The following PPP1R10 variants were observed in gnomAD, a reference collection of about 807,000 sequenced individuals.
PPP1R10 encodes the protein serine/threonine-protein phosphatase 1 regulatory subunit 10.
In PPP1R10, 15 loss-of-function variants were observed where a neutral mutation model predicts 99.0. The observed-to-expected ratio is 0.15, with a 90% CI of 0.10 to 0.23. The LOEUF (loss-of-function observed/expected upper bound fraction) is 0.23, where lower values mean the gene tolerates loss of function less well. PPP1R10 is among the 10% of genes least tolerant of loss of function. PPP1R10 has a pLI of 1.00. For missense variants in PPP1R10, 947 were observed against 1,259.4 expected (o/e 0.75, Z 3.75); for synonymous variants, 430 against 449.5 (o/e 0.96, Z 0.55).
chr6:30,615,229 T>TAAAAAAAAAAAAAAAAAAAATAAAA, intron 2 of PPP1R10, among the ~76,000 whole-genome samples: 1 of 109,762 alleles, frequency 9.1e-6, no homozygotes. Context: ...ACCTTTTTAG[T>TAAAAAAAAAAAAAAAAAAAATAAAA]AAAAAAAAAA....
At position 30,600,433 on chromosome 6, in the gene PPP1R10, A is replaced by G. The variant is rs1489943800; in HGVS notation, c.*1116T>C. On this transcript the variant is annotated 3_prime_UTR_variant, in exon 20 of 20. Coordinates refer to ENST00000376511, the MANE Select transcript of PPP1R10 (RefSeq NM_002714.4). ...GCTGCTTCTCTTTCCACTGTTTATT[A>G]TTAATGTACAAAATATACAAAACCA... 1.3e-5 allele frequency: 2 copies of G among 152,506 alleles called. No homozygotes were observed. The highest frequency in any genetic ancestry group is 4.8e-5 in the African/African-American group (2 of 41,358). The allele number at this position is 152,506 out of a possible 1,614,324, so 9.4% of individuals were successfully genotyped here.
intron 2 of PPP1R10, among the ~76,000 whole-genome samples, chr6:30,610,742 CCT>C (rs1392571342): frequency 1.3e-5 from 2 of 152,128 alleles, no homozygotes; most frequent in Admixed American, 6.5e-5. Flanking sequence ...CGAATCTGGT[CCT>C]CTCCTCAAAA....
At chr6:30,613,759 CTTT>C in intron 2 of PPP1R10, among the ~76,000 whole-genome samples, 1 of 152,282 alleles carries the variant, frequency 6.6e-6, no homozygotes, top group South Asian at 2.1e-4. Context: ...GGAAGATCTT[CTTT>C]ATTAATCCCC....
rs1277455143 is a variant in PPP1R10 at position 30,616,461 on chromosome 6, GA to G, written c.-12+16del. ...ATTTCTTGTTGCAAGGCTGGTTTTT[GA>G]AAATTCGACACTTACTATCCAATTT... On this transcript the variant is annotated intron_variant, in intron 2 of 19. Coordinates refer to ENST00000376511, the MANE Select transcript of PPP1R10 (RefSeq NM_002714.4). The G allele has an allele frequency of 6.6e-6, 1 of 152,468 alleles. No homozygotes were observed. The highest frequency in any genetic ancestry group is 1.5e-5 in the Non-Finnish European group (1 of 68,006). 9.4% of individuals were successfully genotyped at this position (152,468 alleles called of 1,614,324 possible). A position where few individuals can be genotyped will look rare whatever the true frequency, so the allele number is the denominator to read the frequency against.
In PPP1R10 at chr6:30,609,220, A is replaced by C; in HGVS notation, c.108-57T>G. On this transcript the variant is annotated intron_variant, in intron 3 of 19. Coordinates refer to ENST00000376511, the MANE Select transcript of PPP1R10 (RefSeq NM_002714.4). The surrounding 1 kb of genome is among the most constrained non-coding windows in gnomAD (Gnocchi z 4.5). ...GCAGCCAGTATCTCTTCTCTTAGCA[A>C]AAGCGCCTCTCTGTGAACTGCCTAG... The C allele has an allele frequency of 6.4e-7, 1 of 1,551,684 alleles. No individual in the cohort carries two copies. The highest frequency in any genetic ancestry group is 8.9e-7 in the Non-Finnish European group (1 of 1,125,772).
At position 30,602,362 on chromosome 6, in the gene PPP1R10, T is replaced by C. The variant is rs1158362711; in HGVS notation, c.2287A>G (p.Asn763Asp). ...PHEGPGGGMG[N>D]SSGHRPHEGP... ...TCGTGGGGACGATGTCCACTGCTGTTGCCCATGCCCCCACCAGGGCCTTCG... is the reference window on the plus strand; with the variant it reads ...TCGTGGGGACGATGTCCACTGCTGTCGCCCATGCCCCCACCAGGGCCTTCG... Residue 763 changes from asparagine to aspartate, a missense_variant, in exon 19 of 20, where the codon AAC becomes GAC. Physicochemically the swap from Asn to Asp is conservative, Grantham distance 23. This residue lies in a region of PPP1R10 where 525 missense variants were observed against 578.8 expected (regional missense o/e 0.91). Transcript: ENST00000376511. This position sits in a 1 kb window ranked among gnomAD's most constrained non-coding sequence, Gnocchi z 6.7. 6.2e-7 allele frequency: 1 copy of C among 1,611,734 alleles called. No individual in the cohort carries two copies. The highest frequency in any genetic ancestry group is 8.5e-7 in the Non-Finnish European group (1 of 1,179,616).
rs535102572 is a variant in PPP1R10 at position 30,604,826 on chromosome 6, T to C, written c.955-91A>G. On this transcript the variant is annotated intron_variant, in intron 11 of 19. Transcript: ENST00000376511. This position sits in a 1 kb window ranked among gnomAD's most constrained non-coding sequence, Gnocchi z 7.3. ...GGTCCCAGGCACAGTCCCCCAACAG[T>C]TCCTATATAAAGGAAGACTCTGTCT... 4.1e-5 allele frequency: 64 copies of C among 1,573,896 alleles called. No homozygotes were observed. Among genetic ancestry groups the C allele is most frequent in the African/African-American group, 2.4e-4 (18 of 74,082 alleles).
At chr6:30,601,787 T>C (rs1382028037) in intron 19 of PPP1R10, 129 bp from the exon 20 acceptor site, 15 of 1,316,052 alleles carry the variant, frequency 1.1e-5, no homozygotes, top group Non-Finnish European at 1.5e-5. Flanking sequence ...GGGAAGGGCA[T>C]AGAGTAGGAA....
intron 10 of PPP1R10, 71 bp from the exon 11 acceptor site, chr6:30,605,165 C>T (rs1803800406): frequency 1.8e-5 from 25 of 1,409,048 alleles, no homozygotes; most frequent in Non-Finnish European, 2.3e-5. Flanking sequence ...AAACACAGTC[C>T]AGGCATAAAA....
chr6:30,610,076 ACTATG>A, intron 2 of PPP1R10, 121 bp from the exon 3 acceptor site: 1 of 668,108 alleles, frequency 1.5e-6, no homozygotes. Flanking sequence ...TAATTATTCA[ACTATG>A]CTATTTTTTA....
In PPP1R10 at chr6:30,606,592, A is replaced by G; in HGVS notation, c.510T>C (p.Leu170=). 5 of 1,614,154 alleles carry G rather than the reference A, an allele frequency of 3.1e-6. No homozygotes were observed. The highest frequency in any genetic ancestry group is 4.2e-6 in the Non-Finnish European group (5 of 1,180,036). Residue 170 remains leucine, a synonymous_variant, in exon 8 of 20, where the codon CTT becomes CTC. Transcript: ENST00000376511. This position sits in a 1 kb window ranked among gnomAD's most constrained non-coding sequence, Gnocchi z 6.3. ...RKDEGKSRTT[L]PERPLTEVKA... ...TCACCTCTGTCAAAGGTCGCTCAGG[A>G]AGGGTAGTTCGACTTTTTCCTTCAT... is the stretch of plus-strand genomic sequence containing the variant.
At chr6:30,601,880 C>T in intron 19 of PPP1R10, 56 bp downstream of exon 19, 1 of 1,454,342 alleles carries the variant, frequency 6.9e-7, no homozygotes. Context: ...CACCCACTCC[C>T]CAAAAGCTTG....
chr6:30,601,825 G>C (rs945842610), intron 19 of PPP1R10, 111 bp downstream of exon 19: 1 of 1,376,098 alleles, frequency 7.3e-7, no homozygotes, highest in Non-Finnish European at 9.6e-7. Flanking sequence ...ACATCAAAGA[G>C]ACGGGTACCT....
rs925604305 is a variant in PPP1R10 at position 30,606,582 on chromosome 6, G to A, written c.520C>T (p.Pro174Ser). ...GTCTCAGCCTTCACCTCTGTCAAAG[G>A]TCGCTCAGGAAGGGTAGTTCGACTT... is the stretch of plus-strand genomic sequence containing the variant. ...GKSRTTLPER[P>S]LTEVKAETRA... The change falls in exon 8 of 20, where the codon CCT becomes TCT. Residue 174 changes from proline to serine, a missense_variant. This residue lies in a region of PPP1R10 where 92 missense variants were observed against 159.2 expected (regional missense o/e 0.58). Coordinates refer to ENST00000376511, the MANE Select transcript of PPP1R10 (RefSeq NM_002714.4). The surrounding 1 kb of genome is among the most constrained non-coding windows in gnomAD (Gnocchi z 6.3). 1 of 1,614,060 alleles carries A rather than the reference G, an allele frequency of 6.2e-7. No homozygotes were observed.
At position 30,609,037 on chromosome 6, in the gene PPP1R10, G is replaced by A. The variant is rs749968934; in HGVS notation, c.194+40C>T. The A allele has an allele frequency of 4.5e-5, 72 of 1,612,810 alleles. No homozygotes were observed. The highest frequency in any genetic ancestry group is 1.6e-4 in the Middle Eastern group (1 of 6,078). On this transcript the variant is annotated intron_variant, in intron 4 of 19. Transcript: ENST00000376511. This position sits in a 1 kb window ranked among gnomAD's most constrained non-coding sequence, Gnocchi z 4.5. Reference sequence around the variant, plus strand: ...CCATGCCTCACCGCCCCATCTTTTCGCTACACCTTCCCATTCCAACCATCC... The same window carrying A: ...CCATGCCTCACCGCCCCATCTTTTCACTACACCTTCCCATTCCAACCATCC...
rs1803220049 is a variant in PPP1R10 at position 30,600,691 on chromosome 6, G to A, written c.*858C>T. ...CTCCTTCACGCTGGCAAGGTTCCAG[G>A]TGGGAGCAGGGAGTGAGCTGACTCC... On this transcript the variant is annotated 3_prime_UTR_variant, in exon 20 of 20. Coordinates refer to ENST00000376511, the MANE Select transcript of PPP1R10 (RefSeq NM_002714.4). 1 of 152,602 alleles carries A rather than the reference G, an allele frequency of 6.6e-6. No individual in the cohort carries two copies. Among genetic ancestry groups the A allele is most frequent in the Non-Finnish European group, 1.5e-5 (1 of 68,046 alleles). The allele number at this position is 152,602 out of a possible 1,614,324, so 9.5% of individuals were successfully genotyped here.
chr6:30,603,924 C>A (rs1222785163), intron 14 of PPP1R10, 81 bp from the exon 15 acceptor site: 6 of 1,522,462 alleles, frequency 3.9e-6, no homozygotes, highest in Non-Finnish European at 4.4e-6. Context: ...TTTCTAACCT[C>A]CACCCCGTAA....
chr6:30,605,550 G>A (rs188310840), intron 10 of PPP1R10, among the ~76,000 whole-genome samples: 1 of 152,074 alleles, frequency 6.6e-6, no homozygotes, highest in Non-Finnish European at 1.5e-5. Context: ...CGTTCCCAGG[G>A]ACATTCATTC....
At chr6:30,612,568 A>G (rs1804664864) in intron 2 of PPP1R10, among the ~76,000 whole-genome samples, 1 of 152,242 alleles carries the variant, frequency 6.6e-6, no homozygotes, top group Non-Finnish European at 1.5e-5. Flanking sequence ...TTCATTTTCC[A>G]CTACTTATAT....
Sources: gnomAD v4.1 joint callset for allele counts (sites outside exome capture counted in the v4.1 genomes callset) on GRCh38, gnomAD v4.1.1 for gene constraint, gnomAD v4.1.1 regional missense constraint, Gnocchi (gnomAD v3.1) non-coding constraint, MANE v1.5 for transcripts, NCBI Gene and HGNC (gene_info 2026-07-23, HGNC 2026-07-21) for gene names.